The following E2F4 variants were observed in gnomAD, a reference collection of about 807,000 sequenced individuals.
The protein encoded by E2F4 is transcription factor E2F4.
Under a neutral mutation model 44.5 loss-of-function variants are expected in E2F4, and 16 were observed. The observed-to-expected ratio is 0.36, with a 90% confidence interval of 0.24 to 0.55. The LOEUF is 0.55. E2F4 is among the 20% of genes least tolerant of loss of function. The probability of loss-of-function intolerance (pLI) is 0.87; values close to 1 mark genes in which losing one functional copy is unlikely to be tolerated. For missense variants in E2F4, 473 were observed against 522.1 expected (o/e 0.91, Z 0.92); for synonymous variants, 242 against 207.2 (o/e 1.17, Z -1.44).
chr16:67,194,422 C>T lies in E2F4; in HGVS notation c.476C>T (p.Ala159Val), dbSNP rs1204767952. The T allele has an allele frequency of 4.3e-6, 7 of 1,613,984 alleles. No individual in the cohort carries two copies. Among genetic ancestry groups the T allele is most frequent in the African/African-American group, 4.0e-5 (3 of 74,940 alleles). ...FAGDTLLAIR[A>V]PSGTSLEVPI... The stretch of plus-strand genomic sequence containing the variant: ...GGAGATACCCTCTTGGCCATCCGGG[C>T]CCCATCAGGCACCAGCCTGGAGGTG... Residue 159 changes from alanine to valine, a missense_variant, in exon 5 of 10, where the codon GCC becomes GTC. Transcript: ENST00000379378.
At position 67,195,988 on chromosome 16, in the gene E2F4, A is replaced by G; in HGVS notation, c.1015A>G (p.Lys339Glu). Residue 339 changes from lysine to glutamate, a missense_variant, in exon 7 of 10, where the codon AAG (lysine) becomes GAG (glutamate). Transcript: ENST00000379378. ...PNPSTSFEPIKADPTGVLELP... is the reference protein window; with the variant it reads ...PNPSTSFEPIEADPTGVLELP... ...CCCTTCTACCTCCTTTGAGCCCATC[A>G]AGGCAGACCCCACAGGTGGTGAGTA... The G allele has an allele frequency of 1.2e-6, 2 of 1,614,098 alleles. No homozygotes were observed. The highest frequency in any genetic ancestry group is 1.7e-6 in the Non-Finnish European group (2 of 1,179,996).
At chr16:67,197,438 G>A (rs1441815395) in intron 7 of E2F4, among the ~76,000 whole-genome samples, 161 bp from the exon 8 acceptor site, 1 of 152,208 alleles carries the variant, frequency 6.6e-6, no homozygotes, top group East Asian at 1.9e-4. Context: ...GGTTTAGCAA[G>A]TGAGGCCAAC....
chr16:67,196,152 C>T, intron 7 of E2F4, 146 bp downstream of exon 7: 1 of 1,224,786 alleles, frequency 8.2e-7, no homozygotes. Context: ...TGGGTCAGTG[C>T]TGGTGCCCCC....
chr16:67,197,919 G>A lies in E2F4; in HGVS notation c.1126+8G>A. The A allele has an allele frequency of 6.2e-7, 1 of 1,614,130 alleles. No homozygotes were observed. Among genetic ancestry groups the A allele is most frequent in the Non-Finnish European group, 8.5e-7 (1 of 1,180,012 alleles). ...AGTTGATGTCCTCAGAAGGTGGGTG[G>A]CCCTGGAAGGTGGGAGTGGGTGTGG... On this transcript the variant is annotated splice_region_variant and intron_variant, in intron 9 of 9. Coordinates refer to ENST00000379378, the MANE Select transcript of E2F4 (RefSeq NM_001950.4).
rs142486052 is a variant in E2F4 at position 67,193,165 on chromosome 16, C to T, written c.402C>T (p.Asn134=). 47 of 1,567,006 alleles carry T rather than the reference C, an allele frequency of 3.0e-5. No homozygotes were observed. Among genetic ancestry groups the T allele is most frequent in the Non-Finnish European group, 3.6e-5 (42 of 1,155,568 alleles). ...GGAACGTCACAGAGGACGTGCAGAA[C>T]AGCTGATATCCTCCTGGCGGTCCCT... The part of the protein sequence containing the change: ...SIRNVTEDVQ[N]SCLAYVTHED... Residue 134 remains asparagine (N), a synonymous_variant, in exon 3 of 10, where the codon AAC becomes AAT. Coordinates refer to ENST00000379378, the MANE Select transcript of E2F4 (RefSeq NM_001950.4).
chr16:67,195,695 GTCC>G, intron 6 of E2F4, 84 bp from the exon 7 acceptor site: 10 of 1,582,336 alleles, frequency 6.3e-6, no homozygotes, highest in Non-Finnish European at 8.6e-6. Flanking sequence ...CAGGCTTGTG[GTCC>G]TCCTGTGTCT....
chr16:67,196,092 C>G (rs1197163073), intron 7 of E2F4, 86 bp downstream of exon 7: 4 of 1,578,408 alleles, frequency 2.5e-6, no homozygotes, highest in Non-Finnish European at 3.5e-6. Flanking sequence ...GGATGGAACC[C>G]AGATCTCCTG....
rs1259809460 is a variant in E2F4 at position 67,194,431 on chromosome 16, G to A, written c.485G>A (p.Gly162Asp). The change falls in exon 5 of 10, where the codon GGC becomes GAC. Residue 162 changes from glycine to aspartate, a missense_variant. Coordinates refer to ENST00000379378, the MANE Select transcript of E2F4 (RefSeq NM_001950.4). The part of the protein sequence containing the change: ...DTLLAIRAPS[G>D]TSLEVPIPEG... ...CTCTTGGCCATCCGGGCCCCATCAG[G>A]CACCAGCCTGGAGGTGCCCATCCCA... 3 of 1,614,114 alleles carry A rather than the reference G, an allele frequency of 1.9e-6. No homozygotes were observed. Among genetic ancestry groups the A allele is most frequent in the Non-Finnish European group, 2.5e-6 (3 of 1,180,036 alleles).
intron 1 of E2F4, 31 bp from the exon 2 acceptor site, chr16:67,192,730 G>A (rs769980836): frequency 1.3e-6 from 2 of 1,582,958 alleles, no homozygotes; most frequent in South Asian, 2.3e-5. Context: ...ACCCCAGAGT[G>A]GGGCTGAGCA....
At chr16:67,196,812 A>C (rs1435350015) in intron 7 of E2F4, among the ~76,000 whole-genome samples, 1 of 151,828 alleles carries the variant, frequency 6.6e-6, no homozygotes, top group Non-Finnish European at 1.5e-5. Flanking sequence ...TCCAGGCCTG[A>C]CCCTTGGCTC....
In E2F4 at chr16:67,198,380, C is replaced by G. The variant is rs2033010945; in HGVS notation, c.*257C>G. ...TGCTTCTCCCTTTCTGCGGCCTTCGCCAGCCCAGGCTCGGCTGCCACCCAG... is the reference window on the plus strand; with the variant it reads ...TGCTTCTCCCTTTCTGCGGCCTTCGGCAGCCCAGGCTCGGCTGCCACCCAG... On this transcript the variant is annotated 3_prime_UTR_variant, in exon 10 of 10. Transcript: ENST00000379378. 2 of 479,566 alleles carry G rather than the reference C, an allele frequency of 4.2e-6. No individual in the cohort carries two copies. Among genetic ancestry groups the G allele is most frequent in the South Asian group, 4.6e-5 (2 of 43,552 alleles). 29.7% of individuals were successfully genotyped at this position (479,566 alleles called of 1,614,324 possible).
chr16:67,195,574 C>T (rs1275512319), intron 6 of E2F4: 1 of 1,072,240 alleles, frequency 9.3e-7, no homozygotes, highest in South Asian at 1.7e-5. Flanking sequence ...GACATGTTGA[C>T]CACGAGTCTT....
chr16:67,194,162 C>T (rs2032930610), intron 4 of E2F4: 1 of 540,924 alleles, frequency 1.8e-6, no homozygotes, highest in Non-Finnish European at 3.3e-6. Context: ...AATGAGGTGC[C>T]TGTGGCCAGT....
At chr16:67,192,657 A>C (rs2032905612) in intron 1 of E2F4, 104 bp from the exon 2 acceptor site, 1 of 1,123,640 alleles carries the variant, frequency 8.9e-7, no homozygotes, top group Admixed American at 2.1e-5. Flanking sequence ...CCTGGGAGGC[A>C]CTACAGGGTT....
At chr16:67,197,396 T>C (rs940043004) in intron 7 of E2F4, among the ~76,000 whole-genome samples, 2 of 152,090 alleles carry the variant, frequency 1.3e-5, no homozygotes, top group African/African-American at 4.8e-5. Context: ...CAGGGGGCCT[T>C]TGGTACCCTG....
At chr16:67,196,423 C>T (rs939187497) in intron 7 of E2F4, among the ~76,000 whole-genome samples, 5 of 152,190 alleles carry the variant, frequency 3.3e-5, no homozygotes, top group African/African-American at 4.8e-5. Context: ...GAAGGCCTGC[C>T]GAGCCCAGCA....
chr16:67,192,187 CCTGGCCTGGCCTGGCTGA>C lies in E2F4; in HGVS notation c.-40_-23del, dbSNP rs1024680175. ...GAAGCGGAAGTGGCGGCGGCGCCGG[CCTGGCCTGGCCTGGCTGA>C]GGGGAGGCGGCGGGCGGGCGCGATG... On this transcript the variant is annotated 5_prime_UTR_variant, in exon 1 of 10. Transcript: ENST00000379378. The C allele has an allele frequency of 5.0e-6, 6 of 1,200,886 alleles. No homozygotes were observed. In the African/African-American group the frequency reaches 9.5e-5, roughly 19 times the overall value. The allele number at this position is 1,200,886 out of a possible 1,614,324, so 74.4% of individuals were successfully genotyped here.
Position 67,192,282 on chromosome 16 carries a change from GA to G in E2F4, c.59del (p.Lys20ArgfsTer31). The G allele has an allele frequency of 7.5e-7, 1 of 1,338,844 alleles. No individual in the cohort carries two copies. Among genetic ancestry groups the G allele is most frequent in the Admixed American group, 3.5e-5 (1 of 28,764 alleles). 82.9% of individuals were successfully genotyped at this position (1,338,844 alleles called of 1,614,324 possible). A position where few individuals can be genotyped will look rare whatever the true frequency, so the allele number is the denominator to read the frequency against. ...PPPPGTPSRH[E>X]KSLGLLTTKF... ...GCCCCCGGGCACTCCAAGCCGGCAC[GA>G]AAAGAGCCTGGGACTGCTCACCACC... is the stretch of plus-strand genomic sequence containing the variant. On this transcript the variant is annotated frameshift_variant, in exon 1 of 10. Coordinates refer to ENST00000379378, the MANE Select transcript of E2F4 (RefSeq NM_001950.4). LOFTEE classifies it high-confidence loss of function.
chr16:67,198,008 T>C lies in E2F4; in HGVS notation c.1127T>C (p.Val376Ala). Reference protein sequence around the residue: ...ELLEELMSSEVFAPLLRLSPP... With the variant: ...ELLEELMSSEAFAPLLRLSPP... ...GGCCTGAGACTAGTGCTCTCTGCAG[T>C]GTTTGCCCCTCTGCTTCGTCTTTCT... is the stretch of plus-strand genomic sequence containing the variant. The change falls in exon 10 of 10, where the codon GTG (valine) becomes GCG (alanine). Residue 376 changes from valine (V) to alanine (A), a missense_variant and splice_region_variant. Around this residue, in one of 3 missense-constraint regions of E2F4, gnomAD observed 314 missense variants for 315.6 expected, o/e 0.99. Coordinates refer to ENST00000379378, the MANE Select transcript of E2F4 (RefSeq NM_001950.4). 6.2e-7 allele frequency: 1 copy of C among 1,614,042 alleles called. No individual in the cohort carries two copies.
Sources: gnomAD v4.1 joint callset for allele counts (sites outside exome capture counted in the v4.1 genomes callset) on GRCh38, gnomAD v4.1.1 for gene constraint, gnomAD v4.1.1 regional missense constraint, MANE v1.5 for transcripts, NCBI Gene and HGNC (gene_info 2026-07-23, HGNC 2026-07-21) for gene names.